The following PCDH11X variants were observed in gnomAD, a reference collection of about 807,000 sequenced individuals.
The protein encoded by PCDH11X is protocadherin 11 X-linked.
PCDH11X carries 18 observed loss-of-function variants against 53.3 expected under a neutral mutation model. The observed-to-expected ratio is 0.34, with a 90% CI of 0.23 to 0.50. The LOEUF (loss-of-function observed/expected upper bound fraction) is 0.50. Among genes scored for constraint, PCDH11X ranks in the 20% least tolerant of loss-of-function variants. The probability of loss-of-function intolerance (pLI) is 0.98; values close to 1 mark genes in which losing one functional copy is unlikely to be tolerated. For synonymous variants in PCDH11X, 279 were observed against 393.3 expected, an observed-to-expected ratio of 0.71 and a Z score of 3.44; for missense variants, 570 against 1,032.4, an observed-to-expected ratio of 0.55 and a Z score of 6.14.
At chrX:92,071,161 T>C (rs2148078787) in intron 6 of PCDH11X, among the ~76,000 whole-genome samples, 1 of 109,081 alleles carries the variant, frequency 9.2e-6, no homozygotes, top group East Asian at 2.9e-4. Flanking sequence ...CTTGTAGGCA[T>C]GCTTCATAGT....
intron 7 of PCDH11X, among the ~76,000 whole-genome samples, chrX:92,207,321 A>T (rs1178641860): frequency 1.1e-4 from 12 of 111,448 alleles, no homozygotes; most frequent in Non-Finnish European, 1.7e-4. Context: ...GTAATGTGGC[A>T]TTTTATATGA....
At chrX:92,505,715 G>GT (rs2074045480) in intron 10 of PCDH11X, among the ~76,000 whole-genome samples, 2 of 110,941 alleles carry the variant, frequency 1.8e-5, no homozygotes, top group Admixed American at 1.9e-4. Context: ...TTTTAGAGCA[G>GT]TTTTTTGTTT....
intron 6 of PCDH11X, among the ~76,000 whole-genome samples, chrX:92,157,426 A>T (rs2065557238): frequency 1.8e-5 from 2 of 111,923 alleles, no homozygotes; most frequent in Non-Finnish European, 3.8e-5. Flanking sequence ...GAAAGGGTTA[A>T]AGTGAAGGAT....
intron 6 of PCDH11X, among the ~76,000 whole-genome samples, chrX:92,126,708 G>GGA (rs2064871318): frequency 1.6e-5 from 1 of 63,944 alleles, no homozygotes; most frequent in Non-Finnish European, 3.0e-5. Context: ...AGATATGTGG[G>GGA]GAGTGTGTGT....
intron 10 of PCDH11X, among the ~76,000 whole-genome samples, chrX:92,530,222 G>A (rs902030329): frequency 9.5e-6 from 1 of 105,016 alleles, no homozygotes; most frequent in Non-Finnish European, 2.0e-5. Flanking sequence ...TTCATCTATG[G>A]GGGAGTACAA....
intron 8 of PCDH11X, among the ~76,000 whole-genome samples, chrX:92,295,749 G>GTT (rs1469359414): frequency 0.063 from 964 of 15,343 alleles, 20 homozygotes; most frequent in African/African-American, 0.16. Flanking sequence ...TTGTGTGTGT[G>GTT]TGTGTGTGTG....
intron 10 of PCDH11X, among the ~76,000 whole-genome samples, chrX:92,471,743 T>C (rs1448814625): frequency 9.8e-6 from 1 of 101,805 alleles, no homozygotes; most frequent in Non-Finnish European, 2.0e-5. Context: ...GGATAAGTTT[T>C]CCTGTTTCTC....
At chrX:92,183,506 C>T (rs2066035165) in intron 6 of PCDH11X, among the ~76,000 whole-genome samples, 1 of 111,845 alleles carries the variant, frequency 8.9e-6, no homozygotes, top group African/African-American at 3.2e-5. Flanking sequence ...ATCTTCCCAC[C>T]TCAGCCTCCC....
intron 8 of PCDH11X, among the ~76,000 whole-genome samples, chrX:92,358,523 G>T (rs867911953): frequency 4.1e-5 from 2 of 49,003 alleles, no homozygotes; most frequent in South Asian, 1.3e-3. Flanking sequence ...TAAGTTTTTT[G>T]ATTTTTTTTT....
chrX:92,024,944 G>T (rs1168253261), intron 6 of PCDH11X, among the ~76,000 whole-genome samples: 3 of 110,347 alleles, frequency 2.7e-5, no homozygotes. Flanking sequence ...AATAAATGGT[G>T]CTGGGAAAAC....
At position 91,867,299 on chromosome X, in the gene PCDH11X, C is replaced by T. The variant is rs565907409; in HGVS notation, c.541-9482C>T. Among the ~76,000 whole-genome samples the T allele has an allele frequency of 1.8e-3, 202 of 111,487 alleles. 3 individuals are homozygous for T. In the South Asian group the frequency reaches 0.05, roughly 28 times the overall value. ...ACATAACTTAAATCACTCCTAGCTT[C>T]GTTGCTATGGGGCATAGTATCTTAA... On this transcript the variant is annotated intron_variant, in intron 5 of 10. Transcript: ENST00000682573.
At chrX:92,335,395 A>G (rs904917818) in intron 8 of PCDH11X, among the ~76,000 whole-genome samples, 7 of 108,890 alleles carry the variant, frequency 6.4e-5, no homozygotes, top group Non-Finnish European at 1.1e-4. Flanking sequence ...TGCATCTATA[A>G]TCAGGAATCT....
intron 6 of PCDH11X, among the ~76,000 whole-genome samples, chrX:91,911,594 C>G (rs1465008605): frequency 9.2e-6 from 1 of 108,264 alleles, no homozygotes; most frequent in Admixed American, 9.9e-5. Flanking sequence ...CATTAATCAT[C>G]CCCACTTACC....
chrX:91,969,690 G>A (rs1384008180), intron 6 of PCDH11X, among the ~76,000 whole-genome samples: 2 of 108,121 alleles, frequency 1.8e-5, no homozygotes, highest in Admixed American at 9.9e-5. Flanking sequence ...CCAACTACTC[G>A]GGAGCCTGAA....
chrX:92,437,651 G>A (rs1279674163), intron 9 of PCDH11X, among the ~76,000 whole-genome samples: 1 of 109,601 alleles, frequency 9.1e-6, no homozygotes, highest in Non-Finnish European at 1.9e-5. Flanking sequence ...CAGAAGAAAA[G>A]CTTTCTTACA....
chrX:91,890,822 T>C (rs1430225423), intron 6 of PCDH11X, among the ~76,000 whole-genome samples: 1 of 111,387 alleles, frequency 9.0e-6, no homozygotes, highest in Non-Finnish European at 1.9e-5. Flanking sequence ...GGCTATGGTA[T>C]GGATTTACCA....
chrX:91,976,226 T>C (rs1284843272), intron 6 of PCDH11X, among the ~76,000 whole-genome samples: 1 of 111,570 alleles, frequency 9.0e-6, no homozygotes, highest in Non-Finnish European at 1.9e-5. Context: ...CTCATATTTA[T>C]GATTTTTGCT....
chrX:92,601,687 T>G (rs1241561385), intron 10 of PCDH11X, among the ~76,000 whole-genome samples: 1 of 110,531 alleles, frequency 9.0e-6, no homozygotes, highest in Non-Finnish European at 1.9e-5. Flanking sequence ...AAACAGCAAA[T>G]GGAGAAGCAC....
chrX:92,249,532 A>G (rs937967216), intron 7 of PCDH11X, among the ~76,000 whole-genome samples: 4 of 112,623 alleles, frequency 3.6e-5, no homozygotes, highest in African/African-American at 6.4e-5. Flanking sequence ...TTTGTTACTA[A>G]CATAGTAAAG....
Sources: gnomAD v4.1 joint callset for allele counts (sites outside exome capture counted in the v4.1 genomes callset) on GRCh38, gnomAD v4.1.1 for gene constraint, MANE v1.5 for transcripts, NCBI Gene and HGNC (gene_info 2026-07-23, HGNC 2026-07-21) for gene names.